The following FBP2 variants were observed in gnomAD, a reference collection of about 807,000 sequenced individuals.
The protein encoded by FBP2 is fructose-bisphosphatase 2.
FBP2 carries 27 observed loss-of-function variants against 31.6 expected under a neutral mutation model. That is an observed-to-expected ratio of 0.85 (90% confidence interval 0.63 to 1.18). The LOEUF is 1.18. Among genes scored for constraint, FBP2 ranks in the 50% most tolerant of loss-of-function variants. The probability of loss-of-function intolerance (pLI) is 0.00; values close to 1 mark genes in which losing one functional copy is unlikely to be tolerated. For synonymous variants in FBP2, 168 were observed against 179.8 expected (o/e 0.93, Z 0.53); for missense variants, 421 against 436.1 (o/e 0.97, Z 0.31).
At chr9:94,569,454 A>G (rs1017431145) in intron 4 of FBP2, 10 of 152,268 alleles carry the variant, frequency 6.6e-5, no homozygotes, top group African/African-American at 2.2e-4. Context: ...TCATCTGAAC[A>G]GTGGCACTCA....
At position 94,588,029 on chromosome 9, in the gene FBP2, T is replaced by C. The variant is rs573846279; in HGVS notation, c.171-560A>G. 2.0e-3 allele frequency among the ~76,000 whole-genome samples: 306 copies of C among 151,868 alleles called. 1 individual carries two copies. The highest frequency in any genetic ancestry group is 7.1e-3 in the African/African-American group (295 of 41,438). On this transcript the variant is annotated intron_variant, in intron 1 of 6. Transcript: ENST00000375337. Reference sequence around the variant, plus strand: ...ACGCCCGGCTAATTTTTTTCTGTATTTTTAGTAGAGACGGGGTTTCACCAT... The same window carrying C: ...ACGCCCGGCTAATTTTTTTCTGTATCTTTAGTAGAGACGGGGTTTCACCAT...
At position 94,563,401 on chromosome 9, in the gene FBP2, TG is replaced by T. The variant is rs1827138179; in HGVS notation, c.765del (p.Thr256ProfsTer51). 1.2e-6 allele frequency: 2 copies of T among 1,613,846 alleles called. No homozygotes were observed. Among genetic ancestry groups the T allele is most frequent in the South Asian group, 2.2e-5 (2 of 91,074 alleles). On this transcript the variant is annotated frameshift_variant, in exon 6 of 7. Transcript: ENST00000375337. LOFTEE classifies it high-confidence loss of function. The part of the protein sequence containing the change: ...YVGSMVADVH[R>X]TLVYGGIFLY... The stretch of plus-strand genomic sequence containing the variant: ...AGGAAGATTCCTCCATAGACCAGGG[TG>T]CGGTGCACGTCAGCCACCATGGAGC...
intron 1 of FBP2, among the ~76,000 whole-genome samples, chr9:94,591,221 C>T (rs1026693814): frequency 2.8e-4 from 43 of 152,358 alleles, no homozygotes; most frequent in Non-Finnish European, 4.4e-4. Context: ...AGGCTCGGGC[C>T]GCACAGGAGC....
chr9:94,591,768 C>G (rs568039013), intron 1 of FBP2, among the ~76,000 whole-genome samples: 1 of 152,302 alleles, frequency 6.6e-6, no homozygotes, highest in East Asian at 1.9e-4. Context: ...TGCAACAACC[C>G]TAAGAGTTAG....
intron 3 of FBP2, among the ~76,000 whole-genome samples, chr9:94,580,472 C>T (rs1052769784): frequency 1.3e-5 from 2 of 152,238 alleles, no homozygotes; most frequent in African/African-American, 4.8e-5. Flanking sequence ...CTGCCTCAGC[C>T]TCCCAAAGTG....
chr9:94,590,378 A>G (rs974482732), intron 1 of FBP2, among the ~76,000 whole-genome samples: 3 of 152,174 alleles, frequency 2.0e-5, no homozygotes, highest in African/African-American at 7.2e-5. Flanking sequence ...AGACTCTCAT[A>G]ACTTTTAAAT....
rs1174386595 is a variant in FBP2 at position 94,561,352 on chromosome 9, A to AT, written c.825+1989dup. Among the ~76,000 whole-genome samples the AT allele has an allele frequency of 5.1e-3, 278 of 54,970 alleles. 69 individuals are homozygous for AT. The highest frequency in any genetic ancestry group is 0.015 in the African/African-American group (192 of 12,794). 36.1% of individuals were successfully genotyped at this position (54,970 alleles called of 152,430 possible). A position where few individuals can be genotyped will look rare whatever the true frequency, so the allele number is the denominator to read the frequency against. On this transcript the variant is annotated intron_variant, in intron 6 of 6. Coordinates refer to ENST00000375337, the MANE Select transcript of FBP2 (RefSeq NM_003837.4). ...GCAGGCCATGTGACATGTGACCTGT[A>AT]TTTTTTTTTTTTTTTTTTTTTTTTT...
rs528526377 is a variant in FBP2 at position 94,582,583 on chromosome 9, T to C, written c.426+1994A>G. On this transcript the variant is annotated intron_variant, in intron 3 of 6. Coordinates refer to ENST00000375337, the MANE Select transcript of FBP2 (RefSeq NM_003837.4). ...TTTTTTTTGAGACGGAGTCTCGCTC[T>C]GTCACCCAGGCTAGAGTGCAGTGGC... Among the ~76,000 whole-genome samples, 72 of 148,186 alleles carry C rather than the reference T, an allele frequency of 4.9e-4. 3 individuals carry two copies. In the South Asian group the frequency reaches 0.014, roughly 28 times the overall value.
At chr9:94,591,098 C>G (rs1827495216) in intron 1 of FBP2, among the ~76,000 whole-genome samples, 1 of 152,048 alleles carries the variant, frequency 6.6e-6, no homozygotes, top group South Asian at 2.1e-4. Context: ...GATCCCGCAC[C>G]GGGGCTGCAG....
intron 1 of FBP2, among the ~76,000 whole-genome samples, chr9:94,587,912 G>A (rs1305281520): frequency 6.6e-6 from 1 of 151,954 alleles, no homozygotes; most frequent in East Asian, 1.9e-4. Flanking sequence ...GCAGTGGCAC[G>A]AACTCTGCTC....
At chr9:94,581,540 C>G (rs1827372383) in intron 3 of FBP2, among the ~76,000 whole-genome samples, 1 of 152,188 alleles carries the variant, frequency 6.6e-6, no homozygotes, top group East Asian at 1.9e-4. Flanking sequence ...TGTTTTGACT[C>G]TAAGTCCCTG....
chr9:94,567,305 T>A lies in FBP2; in HGVS notation c.670A>T (p.Thr224Ser), dbSNP rs112480079. The change falls in exon 5 of 7, where the codon ACC (threonine) becomes TCC (serine). Residue 224 changes from threonine to serine, a missense_variant. Thr to Ser is a moderately conservative substitution (Grantham distance 58). Coordinates refer to ENST00000375337, the MANE Select transcript of FBP2 (RefSeq NM_003837.4). ...TTCTTTTTCTGCACATATTCAGTGG[T>A]GGCCGCATCAAAATACTTGGCATAG... Reference protein sequence around the residue: ...EGYAKYFDAATTEYVQKKKFP... With the variant: ...EGYAKYFDAASTEYVQKKKFP... The A allele has an allele frequency of 5.8e-5, 93 of 1,614,070 alleles. No homozygotes were observed. Among genetic ancestry groups the A allele is most frequent in the Middle Eastern group, 3.3e-4 (2 of 6,084 alleles).
At chr9:94,588,712 A>G (rs1827457130) in intron 1 of FBP2, among the ~76,000 whole-genome samples, 1 of 151,912 alleles carries the variant, frequency 6.6e-6, no homozygotes, top group South Asian at 2.1e-4. Context: ...GGTTCTCAAC[A>G]CACCAGCAGG....
chr9:94,576,107 C>T (rs1439380656), intron 3 of FBP2, among the ~76,000 whole-genome samples: 1 of 152,150 alleles, frequency 6.6e-6, no homozygotes. Flanking sequence ...CCAGAGATTA[C>T]TTCCATGCAG....
rs991626959 is a variant in FBP2, at chr9:94,593,447, A to T, written c.170+110T>A. ...GAAATGCAGCTTCCATCTAGGGCAC[A>T]CAGGGCCAATAAGCTTTGGACCCAG... On this transcript the variant is annotated intron_variant, in intron 1 of 6. Transcript: ENST00000375337. The T allele has an allele frequency of 3.0e-6, 3 of 1,006,226 alleles. No individual in the cohort carries two copies. The Admixed American group carries it at 9.0e-5, about 30-fold the overall frequency. The allele number at this position is 1,006,226 out of a possible 1,614,324, so 62.3% of individuals were successfully genotyped here.
intron 3 of FBP2, among the ~76,000 whole-genome samples, chr9:94,573,284 G>A (rs1489704378): frequency 1.3e-5 from 2 of 152,134 alleles, no homozygotes; most frequent in Non-Finnish European, 2.9e-5. Flanking sequence ...TCAGAGACAG[G>A]GTCTTGCTCT....
chr9:94,567,030 TA>T (rs1363466323), intron 5 of FBP2, among the ~76,000 whole-genome samples: 1 of 152,194 alleles, frequency 6.6e-6, no homozygotes, highest in Admixed American at 6.5e-5. Context: ...GCCTTCTTTA[TA>T]AAGAATTTAT....
At chr9:94,580,732 G>T (rs1465867295) in intron 3 of FBP2, among the ~76,000 whole-genome samples, 2 of 152,220 alleles carry the variant, frequency 1.3e-5, no homozygotes, top group Non-Finnish European at 2.9e-5. Context: ...CATTTTACAG[G>T]TTCCAGACAG....
chr9:94,574,184 CAAGATA>C (rs1827295198), intron 3 of FBP2, among the ~76,000 whole-genome samples: 1 of 152,082 alleles, frequency 6.6e-6, no homozygotes. Flanking sequence ...ATCATTTTCC[CAAGATA>C]AATTCCCAAT....
Sources: allele counts gnomAD v4.1 joint callset (sites outside exome capture counted in the v4.1 genomes callset), GRCh38; gene constraint gnomAD v4.1.1; transcripts MANE v1.5; gene names NCBI Gene and HGNC (gene_info 2026-07-23, HGNC 2026-07-21).